CSMD1: variants seen among roughly 807,000 people sequenced by gnomAD.
CSMD1 encodes the protein CUB and sushi domain-containing protein 1.
CSMD1 carries 213 observed loss-of-function variants against 417.5 expected under a neutral mutation model. The observed-to-expected ratio is 0.51, with a 90% CI of 0.46 to 0.57. The LOEUF is 0.57. Among genes scored for constraint, CSMD1 ranks in the 20% least tolerant of loss-of-function variants. The pLI, the probability that CSMD1 is intolerant of heterozygous loss-of-function variation, is 0.00. For missense variants in CSMD1, 6,923 were observed against 4,529.7 expected, an observed-to-expected ratio of 1.53 and a Z score of -15.17; for synonymous variants, 2,862 against 1,736.8, an observed-to-expected ratio of 1.65 and a Z score of -16.11.
At chr8:4,538,573 T>A (rs143212351) in intron 2 of CSMD1, among the ~76,000 whole-genome samples, 3 of 151,734 alleles carry the variant, frequency 2.0e-5, no homozygotes, top group East Asian at 1.9e-4. Context: ...AACCCAGGAG[T>A]TGGACGTTGC....
chr8:3,149,073 G>C (rs567110097), intron 40 of CSMD1, among the ~76,000 whole-genome samples: 3 of 152,198 alleles, frequency 2.0e-5, no homozygotes, highest in Non-Finnish European at 2.9e-5. Context: ...TATTTCATAA[G>C]TTATTTTTCA....
intron 3 of CSMD1, among the ~76,000 whole-genome samples, chr8:4,224,724 T>A (rs969621626): frequency 1.3e-5 from 2 of 152,198 alleles, no homozygotes; most frequent in Non-Finnish European, 2.9e-5. Flanking sequence ...TCTTTTTTCC[T>A]CCCTAGCTTT....
At chr8:3,269,978 T>C (rs975331763) in intron 26 of CSMD1, among the ~76,000 whole-genome samples, 7 of 151,892 alleles carry the variant, frequency 4.6e-5, no homozygotes, top group African/African-American at 9.7e-5. Context: ...CCCTACTCCA[T>C]TGATGGCCAT....
rs189182813 is a variant in CSMD1, at chr8:4,499,226, G to C, written c.303-79161C>G. ...CAGAAAGACTTCACAAACAAGGTGA[G>C]TCTTAAATAAATCTTGGGATTCTGG... On this transcript the variant is annotated intron_variant, in intron 2 of 69. Coordinates refer to ENST00000635120, the MANE Select transcript of CSMD1 (RefSeq NM_033225.6). 1.8e-3 allele frequency among the ~76,000 whole-genome samples: 267 copies of C among 152,324 alleles called. 1 individual carries two copies. The highest frequency in any genetic ancestry group is 6.2e-3 in the African/African-American group (256 of 41,572).
At chr8:4,020,739 C>G (rs1458849888) in intron 4 of CSMD1, among the ~76,000 whole-genome samples, 1 of 152,206 alleles carries the variant, frequency 6.6e-6, no homozygotes. Context: ...AATCTTCATT[C>G]ATTAGACCCA....
At chr8:4,475,141 G>C (rs1195938151) in intron 2 of CSMD1, among the ~76,000 whole-genome samples, 2 of 152,142 alleles carry the variant, frequency 1.3e-5, no homozygotes, top group African/African-American at 2.4e-5. Context: ...GTTTAGGCTA[G>C]TATTAAGCAA....
chr8:4,210,704 A>C (rs954609402), intron 3 of CSMD1, among the ~76,000 whole-genome samples: 9 of 152,198 alleles, frequency 5.9e-5, no homozygotes, highest in Non-Finnish European at 1.3e-4. Flanking sequence ...TTGCTCATTT[A>C]ATTGTAATGT....
intron 3 of CSMD1, among the ~76,000 whole-genome samples, chr8:4,412,363 A>G (rs973673449): frequency 4.0e-5 from 6 of 151,068 alleles, no homozygotes; most frequent in Non-Finnish European, 8.8e-5. Context: ...GGCACCTCTC[A>G]CTCCTCCCCT....
At chr8:4,020,673 A>G (rs184281139) in intron 4 of CSMD1, among the ~76,000 whole-genome samples, 2 of 152,330 alleles carry the variant, frequency 1.3e-5, no homozygotes, top group East Asian at 1.9e-4. Context: ...ACAGATAACA[A>G]AGCTGTTTTC....
At chr8:4,092,912 T>A (rs1048686431) in intron 3 of CSMD1, among the ~76,000 whole-genome samples, 19 of 152,332 alleles carry the variant, frequency 1.2e-4, no homozygotes, top group Admixed American at 2.6e-4. Context: ...AAGTTTTTTT[T>A]AATATTTATT....
chr8:4,912,503 G>C (rs1341372024), intron 1 of CSMD1, among the ~76,000 whole-genome samples: 2 of 152,102 alleles, frequency 1.3e-5, no homozygotes, highest in Non-Finnish European at 2.9e-5. Flanking sequence ...AAGTGCCAGA[G>C]GCTTCATGCC....
intron 1 of CSMD1, among the ~76,000 whole-genome samples, chr8:4,720,479 A>G (rs1363614626): frequency 6.6e-6 from 1 of 152,130 alleles, no homozygotes; most frequent in African/African-American, 2.4e-5. Context: ...GTGCAGAGGC[A>G]TGATCTCGGC....
rs746508167 is a variant in CSMD1, at chr8:4,359,922, G to C, written c.415+60031C>G. Among the ~76,000 whole-genome samples, 6 of 152,112 alleles carry C rather than the reference G, an allele frequency of 3.9e-5. 1 individual carries two copies. Among genetic ancestry groups the C allele is most frequent in the Non-Finnish European group, 8.8e-5 (6 of 68,034 alleles). On this transcript the variant is annotated intron_variant, in intron 3 of 69. Coordinates refer to ENST00000635120, the MANE Select transcript of CSMD1 (RefSeq NM_033225.6). ...TTTAACCACAGTTTAAAACATCAAC[G>C]TTCAGTGAAAGAATGCTTCCCTACT...
chr8:3,807,531 C>A (rs925054173), intron 5 of CSMD1, among the ~76,000 whole-genome samples: 1 of 152,118 alleles, frequency 6.6e-6, no homozygotes, highest in Admixed American at 6.5e-5. Context: ...TCAACAGATA[C>A]TAATGATATG....
chr8:4,050,333 C>T (rs1032332329), intron 3 of CSMD1, among the ~76,000 whole-genome samples: 3 of 152,140 alleles, frequency 2.0e-5, no homozygotes, highest in Non-Finnish European at 4.4e-5. Context: ...GCTAGTTATA[C>T]ACAGAGCACC....
chr8:4,471,181 C>A (rs991725143), intron 2 of CSMD1, among the ~76,000 whole-genome samples: 1 of 152,042 alleles, frequency 6.6e-6, no homozygotes, highest in Admixed American at 6.6e-5. Flanking sequence ...GGATTTAATT[C>A]CAACAACATT....
intron 23 of CSMD1, among the ~76,000 whole-genome samples, chr8:3,337,092 C>G (rs1395019225): frequency 6.6e-6 from 1 of 152,048 alleles, no homozygotes; most frequent in African/African-American, 2.4e-5. Flanking sequence ...CTCAAAAGCA[C>G]AGCTGACTAA....
At chr8:3,891,474 G>C (rs1329531483) in intron 5 of CSMD1, among the ~76,000 whole-genome samples, 1 of 152,052 alleles carries the variant, frequency 6.6e-6, no homozygotes, top group African/African-American at 2.4e-5. Context: ...GTATACAGGA[G>C]TTTGAGACCA....
intron 5 of CSMD1, among the ~76,000 whole-genome samples, chr8:3,917,984 C>T (rs894150298): frequency 3.3e-5 from 5 of 152,100 alleles, no homozygotes; most frequent in Non-Finnish European, 5.9e-5. Context: ...TCATTTACCA[C>T]GATGTCTTCC....
Sources: gnomAD v4.1 joint callset for allele counts (sites outside exome capture counted in the v4.1 genomes callset) on GRCh38, gnomAD v4.1.1 for gene constraint, MANE v1.5 for transcripts, NCBI Gene and HGNC (gene_info 2026-07-23, HGNC 2026-07-21) for gene names.